The following LRRC37A2 variants were observed in gnomAD, a reference collection of about 807,000 sequenced individuals.
LRRC37A2 encodes the protein leucine rich repeat containing 37 member A2, also known as leucine-rich repeat-containing protein 37A2.
LRRC37A2 carries 9 observed loss-of-function variants against 68.8 expected under a neutral mutation model. The observed-to-expected ratio is 0.13, with a 90% CI of 0.08 to 0.23. The LOEUF is 0.23. LRRC37A2 is among the 10% of genes least tolerant of loss of function. The pLI, the probability that LRRC37A2 is intolerant of heterozygous loss-of-function variation, is 1.00. For missense variants in LRRC37A2, 168 were observed against 950.4 expected (o/e 0.18, Z 10.82); for synonymous variants, 63 against 367.6 (o/e 0.17, Z 9.48).
the LRRC37A2 span, among the ~76,000 whole-genome samples, chr17:46,498,643 AAG>A: frequency 2.8e-5 from 4 of 142,944 alleles, no homozygotes; most frequent in African/African-American, 1.2e-4. Flanking sequence ...AAGAAAATCT[AAG>A]AGAATGTGTT....
At chr17:46,792,593 C>T in the LRRC37A2 span, among the ~76,000 whole-genome samples, 1 of 152,144 alleles carries the variant, frequency 6.6e-6, no homozygotes, top group South Asian at 2.1e-4. Flanking sequence ...CCTGCCTCAG[C>T]CTCCCGAGTA....
At chr17:46,403,761 C>T in the LRRC37A2 span, among the ~76,000 whole-genome samples, 5 of 89,802 alleles carry the variant, frequency 5.6e-5, no homozygotes, top group South Asian at 1.0e-3. Context: ...TACAGTGACA[C>T]GATCTCAGCT....
the LRRC37A2 span, chr17:46,935,592 C>T: frequency 2.8e-6 from 3 of 1,081,478 alleles, no homozygotes; most frequent in Non-Finnish European, 3.4e-6. Flanking sequence ...TAACTAAAAC[C>T]TTTTGTATTT....
the LRRC37A2 span, among the ~76,000 whole-genome samples, chr17:47,001,895 T>C: frequency 1.3e-5 from 2 of 151,858 alleles, no homozygotes; most frequent in African/African-American, 4.8e-5. Context: ...CTAATTTGTG[T>C]ATTTTTAGTA....
chr17:46,994,147 G>T, the LRRC37A2 span, among the ~76,000 whole-genome samples: 32 of 152,040 alleles, frequency 2.1e-4, no homozygotes, highest in East Asian at 6.2e-3. Flanking sequence ...GACTTTGGGA[G>T]GCCGAGGTAG....
chr17:46,856,827 A>G, the LRRC37A2 span, among the ~76,000 whole-genome samples: 3 of 152,282 alleles, frequency 2.0e-5, no homozygotes, highest in East Asian at 5.8e-4. Flanking sequence ...TTAACAAATT[A>G]TACACCTGTG....
At chr17:46,601,902 G>C in the LRRC37A2 span, among the ~76,000 whole-genome samples, 5 of 147,298 alleles carry the variant, frequency 3.4e-5, no homozygotes, top group South Asian at 6.4e-4. Flanking sequence ...AAGACACTTT[G>C]GCCTGGCATG....
the LRRC37A2 span, chr17:46,768,442 C>A: frequency 6.2e-7 from 1 of 1,614,118 alleles, no homozygotes; most frequent in Non-Finnish European, 8.5e-7. The surrounding 1 kb of genome is among the most constrained non-coding windows in gnomAD (Gnocchi z 5.0). Flanking sequence ...TGGCCCCGGC[C>A]ACAGCAGAGC....
chr17:46,499,145 T>G, the LRRC37A2 span, among the ~76,000 whole-genome samples: 1 of 144,466 alleles, frequency 6.9e-6, no homozygotes, highest in African/African-American at 2.8e-5. Context: ...TGAGACCCCG[T>G]CTCTACTAAA....
chr17:46,754,373 T>C, the LRRC37A2 span, among the ~76,000 whole-genome samples: 5 of 150,986 alleles, frequency 3.3e-5, no homozygotes, highest in Non-Finnish European at 7.4e-5. Flanking sequence ...GTGGTTGGAG[T>C]GGGAGTCCAA....
the LRRC37A2 span, among the ~76,000 whole-genome samples, chr17:46,854,543 A>G: frequency 6.6e-6 from 1 of 151,996 alleles, no homozygotes; most frequent in Non-Finnish European, 1.5e-5. Context: ...AGATGAGGCA[A>G]CCCCCAAACC....
the LRRC37A2 span, among the ~76,000 whole-genome samples, chr17:46,875,694 T>C: frequency 6.6e-6 from 1 of 152,168 alleles, no homozygotes. Flanking sequence ...GGACCAGGCC[T>C]TCCTGGAGGT....
At chr17:46,417,817 T>A in the LRRC37A2 span, among the ~76,000 whole-genome samples, 7 of 79,030 alleles carry the variant, frequency 8.9e-5, no homozygotes, top group Middle Eastern at 0.011. Context: ...ATTTAAAAAA[T>A]TTTCCCAAAG....
the LRRC37A2 span, among the ~76,000 whole-genome samples, chr17:46,601,878 T>TAAAA: frequency 5.0e-5 from 7 of 140,720 alleles, no homozygotes; most frequent in African/African-American, 2.0e-4. Flanking sequence ...CCCACTCCTT[T>TAAAA]AAAAAAAAAA....
chr17:46,978,905 A>G, the LRRC37A2 span: 1 of 1,491,178 alleles, frequency 6.7e-7, no homozygotes, highest in Non-Finnish European at 8.9e-7. Context: ...CAGCCCAGCC[A>G]CGTGCCCAGC....
At chr17:46,894,631 G>A in the LRRC37A2 span, among the ~76,000 whole-genome samples, 1 of 152,330 alleles carries the variant, frequency 6.6e-6, no homozygotes, top group Non-Finnish European at 1.5e-5. Flanking sequence ...AGAGGGCTTG[G>A]CTGACAGATC....
chr17:46,633,865 G>A, the LRRC37A2 span, among the ~76,000 whole-genome samples: 1 of 122,758 alleles, frequency 8.1e-6, no homozygotes, highest in Non-Finnish European at 1.6e-5. Flanking sequence ...TACTTTCTAG[G>A]ATTTTTTTTT....
At chr17:46,711,295 G>A in the LRRC37A2 span, among the ~76,000 whole-genome samples, 1 of 152,176 alleles carries the variant, frequency 6.6e-6, no homozygotes. Flanking sequence ...AAATTTTCTT[G>A]GGGTAGAATG....
chr17:46,773,636 C>T, the LRRC37A2 span: 1 of 431,770 alleles, frequency 2.3e-6, no homozygotes, highest in East Asian at 7.2e-5. Context: ...CCCCACCCAG[C>T]CCCTCCCCCC....
Sources: gnomAD v4.1 joint callset for allele counts (sites outside exome capture counted in the v4.1 genomes callset) on GRCh38, gnomAD v4.1.1 for gene constraint, Gnocchi (gnomAD v3.1) non-coding constraint, MANE v1.5 for transcripts, NCBI Gene and HGNC (gene_info 2026-07-23, HGNC 2026-07-21) for gene names.